Variants in DUSP4 observed in about 807,000 individuals in gnomAD.
The protein encoded by DUSP4 is dual specificity phosphatase 4.
DUSP4 carries 12 observed loss-of-function variants against 27.2 expected under a neutral mutation model. The observed-to-expected ratio is 0.44, with a 90% CI of 0.28 to 0.71. DUSP4 has a LOEUF of 0.71. Among genes scored for constraint, DUSP4 ranks in the 30% least tolerant of loss-of-function variants. DUSP4 has a pLI of 0.14. For synonymous variants in DUSP4, 257 were observed against 245.2 expected, an observed-to-expected ratio of 1.05 and a Z score of -0.45; for missense variants, 448 against 551.3, an observed-to-expected ratio of 0.81 and a Z score of 1.88.
At chr8:29,349,507 G>T (rs759651691) in intron 1 of DUSP4, among the ~76,000 whole-genome samples, 4 of 152,200 alleles carry the variant, frequency 2.6e-5, no homozygotes, top group Non-Finnish European at 2.9e-5. Context: ...GCGCCCCGTG[G>T]TACTTGGAAA....
chr8:29,347,414 T>C (rs1817751615), intron 1 of DUSP4, among the ~76,000 whole-genome samples: 1 of 152,186 alleles, frequency 6.6e-6, no homozygotes, highest in Non-Finnish European at 1.5e-5. Context: ...TGAACACATA[T>C]GTCAAAATCA....
At position 29,335,806 on chromosome 8, in the gene DUSP4, G is replaced by A. The variant is rs906419919; in HGVS notation, c.*1220C>T. ...TTCCAGGAGCACCTTAGTGTAATAT[G>A]GCATATTGATCACAGACGATAGACA... On this transcript the variant is annotated 3_prime_UTR_variant, in exon 4 of 4. Transcript: ENST00000240100. 2.0e-5 allele frequency: 3 copies of A among 152,168 alleles called. No individual in the cohort carries two copies. Among genetic ancestry groups the A allele is most frequent in the African/African-American group, 7.2e-5 (3 of 41,430 alleles). The allele number at this position is 152,168 out of a possible 1,614,324, so 9.4% of individuals were successfully genotyped here.
chr8:29,340,155 A>G lies in DUSP4; in HGVS notation c.522T>C (p.Ser174=), dbSNP rs583034. 0.46 allele frequency: 741,759 copies of G among 1,607,824 alleles called. 178,522 individuals carry two copies. Among genetic ancestry groups the G allele is most frequent in the African/African-American group, 0.77 (57,978 of 74,848 alleles). Residue 174 remains serine, a synonymous_variant, in exon 2 of 4, where the codon AGT becomes AGC. Coordinates refer to ENST00000240100, the MANE Select transcript of DUSP4 (RefSeq NM_001394.7). ...LAAIPPPVPP[S]ATEPLDLGCS... ...AGCCCAGGTCCAAGGGCTCTGTGGC[A>G]CTGGGGGGAACCGGGGGTGGGATGG...
intron 1 of DUSP4, chr8:29,348,273 T>C (rs1222900916): frequency 2.0e-6 from 2 of 985,450 alleles, no homozygotes; most frequent in African/African-American, 3.5e-5. Flanking sequence ...CCCAGAGGAA[T>C]TGCCCTCATC....
In DUSP4 at chr8:29,350,326, C is replaced by T. The variant is rs1469651038; in HGVS notation, c.-48G>A. 6 of 1,527,274 alleles carry T rather than the reference C, an allele frequency of 3.9e-6. No homozygotes were observed. Among genetic ancestry groups the T allele is most frequent in the East Asian group, 2.3e-5 (1 of 44,056 alleles). The allele number at this position is 1,527,274 out of a possible 1,614,324, so 94.6% of individuals were successfully genotyped here. On this transcript the variant is annotated 5_prime_UTR_variant, in exon 1 of 4. Coordinates refer to ENST00000240100, the MANE Select transcript of DUSP4 (RefSeq NM_001394.7). ...TGGGCGCGCGAGGAAGAGAAGAGAA[C>T]CCGGGCCGCCTAGGCTGCAGAAAGG...
At position 29,336,856 on chromosome 8, in the gene DUSP4, TC is replaced by T. The variant is rs1393596993; in HGVS notation, c.*169del. Reference sequence around the variant, plus strand: ...TGTTCTGTTTGCTTTTATTATGTATTCGGAGTCCTTATTGCCATTCTGGCTG... The same window carrying T: ...TGTTCTGTTTGCTTTTATTATGTATTGGAGTCCTTATTGCCATTCTGGCTG... On this transcript the variant is annotated 3_prime_UTR_variant, in exon 4 of 4. Transcript: ENST00000240100. 1.1e-6 allele frequency: 1 copy of T among 926,682 alleles called. No individual in the cohort carries two copies. The highest frequency in any genetic ancestry group is 1.6e-6 in the Non-Finnish European group (1 of 642,872). The allele number at this position is 926,682 out of a possible 1,614,324, so 57.4% of individuals were successfully genotyped here.
Position 29,348,500 on chromosome 8 carries a change from G to C in DUSP4, c.433+1346C>G, listed in dbSNP as rs971232090. On this transcript the variant is annotated intron_variant, in intron 1 of 3. Transcript: ENST00000240100. ...AAAAGAAAGAAAAATCAGCAAAATC[G>C]CCTTAGCAGTTCAACCAAAGGTCAA... 2.4e-5 allele frequency: 24 copies of C among 985,512 alleles called. No homozygotes were observed. In the African/African-American group the frequency reaches 4.0e-4, roughly 17 times the overall value. The allele number at this position is 985,512 out of a possible 1,614,324, so 61.0% of individuals were successfully genotyped here.
At chr8:29,348,513 A>G in intron 1 of DUSP4, 1 of 985,554 alleles carries the variant, frequency 1.0e-6, no homozygotes, top group Non-Finnish European at 1.2e-6. Flanking sequence ...TTAGCAGTTC[A>G]ACCAAAGGTC....
In DUSP4 at chr8:29,343,474, C is replaced by A. The variant is rs150072220; in HGVS notation, c.434-3231G>T. Among the ~76,000 whole-genome samples, 12 of 152,312 alleles carry A rather than the reference C, an allele frequency of 7.9e-5. No individual in the cohort carries two copies. In the South Asian group the frequency reaches 8.3e-4, roughly 11 times the overall value. On this transcript the variant is annotated intron_variant, in intron 1 of 3. Transcript: ENST00000240100. ...GAAGAAGCTGCTCAAGTCCACCCCCCACAGGGCCATGCCCCAGTAAGTCAT... is the reference window on the plus strand; with the variant it reads ...GAAGAAGCTGCTCAAGTCCACCCCCAACAGGGCCATGCCCCAGTAAGTCAT...
intron 3 of DUSP4, 114 bp downstream of exon 3, chr8:29,338,167 TG>T: frequency 1.9e-6 from 2 of 1,059,154 alleles, no homozygotes; most frequent in Non-Finnish European, 2.8e-6. Context: ...AGAGGGGGAA[TG>T]GGGACCCTTG....
In DUSP4 at chr8:29,334,274, G is replaced by A. The variant is rs1817537566; in HGVS notation, c.*2752C>T. 1 of 152,242 alleles carries A rather than the reference G, an allele frequency of 6.6e-6. No homozygotes were observed. Among genetic ancestry groups the A allele is most frequent in the African/African-American group, 2.4e-5 (1 of 41,468 alleles). The allele number at this position is 152,242 out of a possible 1,614,324, so 9.4% of individuals were successfully genotyped here. A position where few individuals can be genotyped will look rare whatever the true frequency, so the allele number is the denominator to read the frequency against. Reference sequence around the variant, plus strand: ...GAATCCCTTCATGGGAGGGATGGATGCCTGTTGAAACTCACTGACCTATTG... The same window carrying A: ...GAATCCCTTCATGGGAGGGATGGATACCTGTTGAAACTCACTGACCTATTG... On this transcript the variant is annotated 3_prime_UTR_variant, in exon 4 of 4. Coordinates refer to ENST00000240100, the MANE Select transcript of DUSP4 (RefSeq NM_001394.7).
At position 29,350,104 on chromosome 8, in the gene DUSP4, C is replaced by T. The variant is rs749028431; in HGVS notation, c.175G>A (p.Gly59Ser). 8 of 1,608,904 alleles carry T rather than the reference C, an allele frequency of 5.0e-6. No homozygotes were observed. Among genetic ancestry groups the T allele is most frequent in the Non-Finnish European group, 6.8e-6 (8 of 1,178,928 alleles). The change falls in exon 1 of 4, where the codon GGC becomes AGC. Residue 59 changes from glycine to serine, a missense_variant. Transcript: ENST00000240100. Reference protein sequence around the residue: ...DCRPFLAHSAGYILGSVNVRC... With the variant: ...DCRPFLAHSASYILGSVNVRC... The stretch of plus-strand genomic sequence containing the variant: ...ACGTTGACCGAACCTAGGATGTAGC[C>T]CGCGCTGTGCGCCAGGAACGGTCTG...
chr8:29,342,510 G>A (rs140084679), intron 1 of DUSP4, among the ~76,000 whole-genome samples: 4 of 152,268 alleles, frequency 2.6e-5, no homozygotes, highest in East Asian at 1.9e-4. Flanking sequence ...AAGAGGAACC[G>A]GGGACAGGGT....
At chr8:29,348,645 G>A (rs998522959) in intron 1 of DUSP4, 1 of 985,454 alleles carries the variant, frequency 1.0e-6, no homozygotes, top group Non-Finnish European at 1.2e-6. Flanking sequence ...GTTTTGTTGT[G>A]CTTTTTGGAG....
intron 1 of DUSP4, chr8:29,345,920 C>G (rs1817727007): frequency 1.8e-6 from 1 of 568,070 alleles, no homozygotes; most frequent in Non-Finnish European, 2.0e-6. Flanking sequence ...CATTGTATTA[C>G]ATTTGTAAGC....
chr8:29,337,396 C>T lies in DUSP4; in HGVS notation c.815G>A (p.Cys272Tyr), dbSNP rs1218119856. ...AIEYIDAVKD[C>Y]RGRVLVHCQA... The stretch of plus-strand genomic sequence containing the variant: ...GCAGTGCACCAGCACGCGCCCACGG[C>T]AGTCCTTCACGGCATCTGGGGACAG... Residue 272 changes from cysteine (C) to tyrosine (Y), a missense_variant, in exon 4 of 4, where the codon TGC (cysteine) becomes TAC (tyrosine). Transcript: ENST00000240100. This position sits in a 1 kb window ranked among gnomAD's most constrained non-coding sequence, Gnocchi z 6.4. 1 of 1,605,400 alleles carries T rather than the reference C, an allele frequency of 6.2e-7. No homozygotes were observed.
chr8:29,342,671 C>A (rs568916210), intron 1 of DUSP4, among the ~76,000 whole-genome samples: 13 of 152,300 alleles, frequency 8.5e-5, no homozygotes, highest in African/African-American at 3.1e-4. Context: ...GCACCGGCTG[C>A]TGGCCATGGA....
At chr8:29,349,001 G>A (rs2117278623) in intron 1 of DUSP4, among the ~76,000 whole-genome samples, 1 of 152,324 alleles carries the variant, frequency 6.6e-6, no homozygotes, top group South Asian at 2.1e-4. Flanking sequence ...CGGACAGCAC[G>A]CGATTTTTCC....
At position 29,336,401 on chromosome 8, in the gene DUSP4, CATAA is replaced by C. The variant is rs1038336371; in HGVS notation, c.*621_*624del. ...ACGGTGCTCAGCTGTTTGACATCAA[CATAA>C]ATATATTCTAAATCCACTGTAACTA... is the stretch of plus-strand genomic sequence containing the variant. On this transcript the variant is annotated 3_prime_UTR_variant, in exon 4 of 4. Transcript: ENST00000240100. 6.6e-6 allele frequency: 1 copy of C among 152,314 alleles called. No homozygotes were observed. The highest frequency in any genetic ancestry group is 1.5e-5 in the Non-Finnish European group (1 of 68,112). 9.4% of individuals were successfully genotyped at this position (152,314 alleles called of 1,614,324 possible).
Sources: gnomAD v4.1 joint callset for allele counts (sites outside exome capture counted in the v4.1 genomes callset) on GRCh38, gnomAD v4.1.1 for gene constraint, Gnocchi (gnomAD v3.1) non-coding constraint, MANE v1.5 for transcripts, NCBI Gene and HGNC (gene_info 2026-07-23, HGNC 2026-07-21) for gene names.